The following NELL1 variants were observed in gnomAD, a reference collection of about 807,000 sequenced individuals.
NELL1 encodes the protein protein kinase C-binding protein NELL1.
Under a neutral mutation model 107.4 loss-of-function variants are expected in NELL1, and 76 were observed. That is an observed-to-expected ratio of 0.71 (90% CI 0.59 to 0.86). NELL1 has a LOEUF of 0.86. Ranked by LOEUF, NELL1 falls within the 40% of genes least tolerant of loss-of-function variation. The pLI, the probability that NELL1 is intolerant of heterozygous loss-of-function variation, is 0.00. For missense variants in NELL1, 1,024 were observed against 1,005.5 expected (o/e 1.02, Z -0.25); for synonymous variants, 353 against 341.2 (o/e 1.03, Z -0.38).
At chr11:21,367,949 C>G (rs1156559198) in intron 14 of NELL1, among the ~76,000 whole-genome samples, 1 of 152,068 alleles carries the variant, frequency 6.6e-6, no homozygotes, top group Admixed American at 6.6e-5. Context: ...TATCAGAGTC[C>G]TTTTCATTGA....
intron 12 of NELL1, among the ~76,000 whole-genome samples, chr11:20,996,813 C>T (rs1489106965): frequency 6.6e-6 from 1 of 152,080 alleles, no homozygotes; most frequent in Non-Finnish European, 1.5e-5. Context: ...TTTTTATCTT[C>T]CCGATTTACC....
At chr11:20,912,767 C>T (rs906349504) in intron 5 of NELL1, among the ~76,000 whole-genome samples, 2 of 152,060 alleles carry the variant, frequency 1.3e-5, no homozygotes, top group African/African-American at 2.4e-5. Flanking sequence ...CCACAGCTGT[C>T]GTTTTTACCT....
chr11:20,783,083 T>C (rs1316800871), intron 2 of NELL1, among the ~76,000 whole-genome samples: 2 of 152,192 alleles, frequency 1.3e-5, no homozygotes, highest in Non-Finnish European at 2.9e-5. Flanking sequence ...CTTGTATTTA[T>C]TCGTTAAGCA....
chr11:21,023,032 G>A (rs1852736914), intron 12 of NELL1, among the ~76,000 whole-genome samples: 1 of 151,994 alleles, frequency 6.6e-6, no homozygotes, highest in Non-Finnish European at 1.5e-5. Flanking sequence ...TTCCCTCGAA[G>A]GGCCTGCATC....
intron 13 of NELL1, among the ~76,000 whole-genome samples, chr11:21,162,198 C>G (rs1301033729): frequency 1.3e-5 from 2 of 152,122 alleles, no homozygotes; most frequent in Non-Finnish European, 2.9e-5. Flanking sequence ...ATCTGCCCTC[C>G]TTGGCCTCTC....
At chr11:21,414,856 T>G (rs1852470704) in intron 15 of NELL1, among the ~76,000 whole-genome samples, 4 of 152,048 alleles carry the variant, frequency 2.6e-5, no homozygotes, top group Admixed American at 2.6e-4. Context: ...TCTTCCCACC[T>G]TCCCTCCTCA....
At chr11:20,890,327 C>T (rs1252069478) in intron 5 of NELL1, among the ~76,000 whole-genome samples, 2 of 152,072 alleles carry the variant, frequency 1.3e-5, no homozygotes, top group African/African-American at 4.8e-5. Context: ...TCAATGACAA[C>T]AAAAGGCCCC....
chr11:21,568,718 C>T (rs1252158639), intron 17 of NELL1, among the ~76,000 whole-genome samples: 1 of 151,712 alleles, frequency 6.6e-6, no homozygotes, highest in Non-Finnish European at 1.5e-5. Context: ...ATCAATATCA[C>T]TGTCTTTCAC....
intron 14 of NELL1, among the ~76,000 whole-genome samples, chr11:21,355,394 A>C (rs946051519): frequency 1.4e-4 from 21 of 152,342 alleles, no homozygotes; most frequent in Admixed American, 6.5e-4. Flanking sequence ...GCACTATGCC[A>C]AGTGCTTTAC....
chr11:21,180,494 A>G (rs1856804655), intron 13 of NELL1, among the ~76,000 whole-genome samples: 1 of 151,824 alleles, frequency 6.6e-6, no homozygotes, highest in Non-Finnish European at 1.5e-5. Flanking sequence ...TTTAAGATCA[A>G]GAGTAGACAA....
chr11:21,307,226 A>G (rs1849625034), intron 14 of NELL1, among the ~76,000 whole-genome samples: 1 of 151,966 alleles, frequency 6.6e-6, no homozygotes, highest in African/African-American at 2.4e-5. Flanking sequence ...AAAATTTAAC[A>G]GATGGTAGTA....
intron 14 of NELL1, 121 bp from the exon 15 acceptor site, chr11:21,370,732 A>G: frequency 1.5e-6 from 1 of 678,506 alleles, no homozygotes; most frequent in Non-Finnish European, 2.5e-6. Flanking sequence ...TTTTAAATGT[A>G]TCAATACAGA....
intron 12 of NELL1, among the ~76,000 whole-genome samples, chr11:21,093,681 C>T (rs1219421898): frequency 7.2e-5 from 11 of 152,150 alleles, no homozygotes; most frequent in Non-Finnish European, 1.5e-4. Context: ...CAATGAGGAG[C>T]AAGTCACGTC....
rs761374489 is a variant in NELL1 at position 21,574,969 on chromosome 11, C to T, written c.2383-3C>T. On this transcript the variant is annotated splice_polypyrimidine_tract_variant and splice_region_variant and intron_variant, in intron 19 of 19. Coordinates refer to ENST00000357134, the MANE Select transcript of NELL1 (RefSeq NM_006157.5). ...GGCTAACACATGTTTCTTTGATGTA[C>T]AGAATGGAAGAGTCTGTTGTTCTGT... 1.9e-6 allele frequency: 3 copies of T among 1,610,072 alleles called. No homozygotes were observed.
At chr11:20,947,118 G>A (rs1426460866) in intron 10 of NELL1, among the ~76,000 whole-genome samples, 2 of 152,046 alleles carry the variant, frequency 1.3e-5, no homozygotes, top group Non-Finnish European at 2.9e-5. Context: ...CAAAACTGTT[G>A]AATTTGAGGC....
chr11:21,520,552 G>A (rs372431984), intron 15 of NELL1, among the ~76,000 whole-genome samples: 1 of 152,172 alleles, frequency 6.6e-6, no homozygotes, highest in Non-Finnish European at 1.5e-5. Flanking sequence ...TACAGAGGGA[G>A]CCTAAATCCT....
At chr11:21,364,399 A>C (rs1851163399) in intron 14 of NELL1, among the ~76,000 whole-genome samples, 1 of 130,126 alleles carries the variant, frequency 7.7e-6, no homozygotes, top group Non-Finnish European at 1.6e-5. Context: ...AGACACAGCA[A>C]GACTCTGTCT....
intron 12 of NELL1, among the ~76,000 whole-genome samples, chr11:21,053,531 G>A (rs962879920): frequency 6.6e-6 from 1 of 152,134 alleles, no homozygotes; most frequent in African/African-American, 2.4e-5. Flanking sequence ...CAGGGCAGGA[G>A]CCCTCCTCAG....
At chr11:20,710,853 T>A (rs1041149438) in intron 2 of NELL1, among the ~76,000 whole-genome samples, 1 of 152,128 alleles carries the variant, frequency 6.6e-6, no homozygotes, top group African/African-American at 2.4e-5. Context: ...TTTGAATTTC[T>A]ATGGTGTCAG....
Sources: gnomAD v4.1 joint callset for allele counts (sites outside exome capture counted in the v4.1 genomes callset) on GRCh38, gnomAD v4.1.1 for gene constraint, MANE v1.5 for transcripts, NCBI Gene and HGNC (gene_info 2026-07-23, HGNC 2026-07-21) for gene names.